Variants in CNTN4 observed in about 807,000 individuals in gnomAD.
The protein encoded by CNTN4 is contactin-4.
CNTN4 carries 77 observed loss-of-function variants against 122.5 expected under a neutral mutation model. That is an observed-to-expected ratio of 0.63 (90% confidence interval 0.52 to 0.76). CNTN4 has a LOEUF of 0.76. Ranked by LOEUF, CNTN4 falls within the 30% of genes least tolerant of loss-of-function variation. CNTN4 has a pLI of 0.00. For synonymous variants in CNTN4, 512 were observed against 447.0 expected (o/e 1.15, Z -1.83); for missense variants, 1,256 against 1,259.1 (o/e 1.00, Z 0.04).
chr3:2,811,015 TGAAAAAAAAAA>T (rs1452450897), intron 6 of CNTN4, among the ~76,000 whole-genome samples: 1 of 135,902 alleles, frequency 7.4e-6, no homozygotes, highest in African/African-American at 2.9e-5. Flanking sequence ...TTAGAGGCTC[TGAAAAAAAAAA>T]GAAAAAAAAA....
In CNTN4 at chr3:2,497,807, A is replaced by G. The variant is rs184562429; in HGVS notation, c.-88-73609A>G. On this transcript the variant is annotated intron_variant, in intron 3 of 24. Coordinates refer to ENST00000418658, the MANE Select transcript of CNTN4 (RefSeq NM_175607.3). ...TATTGAATTTACTTATCAATTACTTATCTGTTATCTTTCTCCCTCCACGGG... is the reference window on the plus strand; with the variant it reads ...TATTGAATTTACTTATCAATTACTTGTCTGTTATCTTTCTCCCTCCACGGG... 2.5e-3 allele frequency among the ~76,000 whole-genome samples: 381 copies of G among 152,274 alleles called. 2 individuals carry two copies. The highest frequency in any genetic ancestry group is 3.1e-3 in the Non-Finnish European group (213 of 68,016).
intron 3 of CNTN4, among the ~76,000 whole-genome samples, chr3:2,554,827 G>A (rs920544086): frequency 2.2e-4 from 33 of 152,198 alleles, no homozygotes; most frequent in African/African-American, 6.0e-4. Flanking sequence ...TTTCCTAGTC[G>A]TTGCTAAACA....
intron 6 of CNTN4, among the ~76,000 whole-genome samples, chr3:2,796,520 C>G (rs545528325): frequency 5.5e-4 from 83 of 152,180 alleles, no homozygotes; most frequent in African/African-American, 1.8e-3. Flanking sequence ...GAGCTAGAAT[C>G]TAAAAATAAA....
intron 2 of CNTN4, among the ~76,000 whole-genome samples, chr3:2,152,933 C>A (rs1262889394): frequency 6.6e-6 from 1 of 152,158 alleles, no homozygotes; most frequent in Non-Finnish European, 1.5e-5. Flanking sequence ...TGACACAGAG[C>A]CACCCCAGCT....
chr3:3,025,608 T>C (rs1339211484), intron 14 of CNTN4, among the ~76,000 whole-genome samples: 3 of 152,218 alleles, frequency 2.0e-5, no homozygotes, highest in African/African-American at 7.2e-5. Context: ...TTTGTTTTTC[T>C]ATTCCTTCTT....
intron 2 of CNTN4, among the ~76,000 whole-genome samples, chr3:2,263,497 A>G (rs1348860714): frequency 6.6e-6 from 1 of 152,092 alleles, no homozygotes; most frequent in Non-Finnish European, 1.5e-5. Flanking sequence ...AAAATCTTAA[A>G]TTGATATATA....
intron 6 of CNTN4, among the ~76,000 whole-genome samples, chr3:2,814,807 G>C (rs928168231): frequency 6.6e-6 from 1 of 152,160 alleles, no homozygotes; most frequent in Admixed American, 6.5e-5. Flanking sequence ...CTGCACCTCC[G>C]TGAGCTTCAG....
intron 10 of CNTN4, among the ~76,000 whole-genome samples, chr3:2,892,519 G>T (rs533161659): frequency 2.0e-4 from 30 of 152,222 alleles, no homozygotes; most frequent in Non-Finnish European, 3.8e-4. Flanking sequence ...TATCTTTGAA[G>T]AAAGGAAAGG....
chr3:2,479,550 G>A (rs185824808), intron 3 of CNTN4, among the ~76,000 whole-genome samples: 116 of 152,298 alleles, frequency 7.6e-4, no homozygotes, highest in African/African-American at 2.7e-3. Flanking sequence ...CTTATAAGGG[G>A]GATAATGAAA....
rs990397730 is a variant in CNTN4, at chr3:2,778,209, G to A, written c.358+32512G>A. ...AGCCTGGGCGACAGAGCGAGACTCCGTCTCAAATAAATAAATAAATAAATA... is the reference window on the plus strand; with the variant it reads ...AGCCTGGGCGACAGAGCGAGACTCCATCTCAAATAAATAAATAAATAAATA... On this transcript the variant is annotated intron_variant, in intron 6 of 24. Transcript: ENST00000418658. Among the ~76,000 whole-genome samples, 190 of 87,166 alleles carry A rather than the reference G, an allele frequency of 2.2e-3. 2 individuals carry two copies. Among genetic ancestry groups the A allele is most frequent in the South Asian group, 1.3e-3 (3 of 2,350 alleles). 57.2% of individuals were successfully genotyped at this position (87,166 alleles called of 152,430 possible).
At chr3:2,952,108 A>G (rs1577381832) in intron 13 of CNTN4, among the ~76,000 whole-genome samples, 1 of 152,204 alleles carries the variant, frequency 6.6e-6, no homozygotes, top group Non-Finnish European at 1.5e-5. Flanking sequence ...TGTAGTATGG[A>G]GCTTTTTAAA....
Position 2,902,918 on chromosome 3 carries a change from G to A in CNTN4, c.1120G>A (p.Val374Met), listed in dbSNP as rs755233389. The part of the protein sequence containing the change: ...IEQGTLNITI[V>M]NLSDAGMYQC... Reference sequence around the variant, plus strand: ...GCAAGGAACACTCAACATAACAATAGTGAACCTCTCAGATGCTGGCATGTA... The same window carrying A: ...GCAAGGAACACTCAACATAACAATAATGAACCTCTCAGATGCTGGCATGTA... Residue 374 changes from valine to methionine, a missense_variant, in exon 12 of 25, where the codon GTG becomes ATG. Coordinates refer to ENST00000418658, the MANE Select transcript of CNTN4 (RefSeq NM_175607.3). The A allele has an allele frequency of 8.7e-6, 14 of 1,613,666 alleles. No homozygotes were observed. The highest frequency in any genetic ancestry group is 1.3e-5 in the African/African-American group (1 of 74,904).
intron 3 of CNTN4, among the ~76,000 whole-genome samples, chr3:2,383,718 T>G (rs66595506): frequency 0.25 from 36,179 of 147,352 alleles, 5,317 homozygotes; most frequent in Admixed American, 0.4. Flanking sequence ...TCCCTCTCCT[T>G]CTTCTGTCTC....
chr3:2,854,969 A>T (rs1303298483), intron 7 of CNTN4, among the ~76,000 whole-genome samples: 1 of 152,226 alleles, frequency 6.6e-6, no homozygotes, highest in African/African-American at 2.4e-5. Context: ...CAAAATTTCT[A>T]TTAATTATGA....
At chr3:2,500,947 A>T (rs1441774324) in intron 3 of CNTN4, among the ~76,000 whole-genome samples, 1 of 152,064 alleles carries the variant, frequency 6.6e-6, no homozygotes, top group African/African-American at 2.4e-5. Context: ...CCCCCCGCAC[A>T]ATGTATAGAT....
chr3:2,355,560 G>C (rs2044834263), intron 3 of CNTN4, among the ~76,000 whole-genome samples: 1 of 152,164 alleles, frequency 6.6e-6, no homozygotes, highest in Non-Finnish European at 1.5e-5. Flanking sequence ...CAGGGACCCT[G>C]TGGCACTTAG....
chr3:2,781,091 A>C (rs919963379), intron 6 of CNTN4, among the ~76,000 whole-genome samples: 3 of 152,244 alleles, frequency 2.0e-5, no homozygotes, highest in African/African-American at 2.4e-5. Flanking sequence ...GGTGAGGTTC[A>C]AATGAAAAGG....
chr3:2,748,274 A>G (rs1191354177), intron 6 of CNTN4, among the ~76,000 whole-genome samples: 1 of 152,210 alleles, frequency 6.6e-6, no homozygotes, highest in East Asian at 1.9e-4. Flanking sequence ...CTGAGAAAGT[A>G]TTTCTTATAA....
intron 12 of CNTN4, among the ~76,000 whole-genome samples, chr3:2,922,102 C>A (rs754811115): frequency 1.1e-4 from 16 of 152,158 alleles, no homozygotes; most frequent in Non-Finnish European, 2.1e-4. Flanking sequence ...ATATTAAATA[C>A]AGCAAATAAG....
Sources: gnomAD v4.1 joint callset for allele counts (sites outside exome capture counted in the v4.1 genomes callset) on GRCh38, gnomAD v4.1.1 for gene constraint, MANE v1.5 for transcripts, NCBI Gene and HGNC (gene_info 2026-07-23, HGNC 2026-07-21) for gene names.